Variants in TMEM17 observed in about 807,000 individuals in gnomAD.
The protein encoded by TMEM17 is transmembrane protein 17.
Under a neutral mutation model 19.1 loss-of-function variants are expected in TMEM17, and 15 were observed. That is an observed-to-expected ratio of 0.78 (90% CI 0.52 to 1.21). The LOEUF (loss-of-function observed/expected upper bound fraction) is 1.21. Ranked by LOEUF, TMEM17 falls within the 50% of genes most tolerant of loss-of-function variation. The pLI is 0.00. For synonymous variants in TMEM17, 103 were observed against 86.9 expected (o/e 1.19, Z -1.03); for missense variants, 245 against 242.3 (o/e 1.01, Z -0.07).
chr2:62,505,153 T>A (rs1416081859), intron 1 of TMEM17, among the ~76,000 whole-genome samples: 1 of 152,166 alleles, frequency 6.6e-6, no homozygotes, highest in Non-Finnish European at 1.5e-5. Flanking sequence ...CTTTTAAAAA[T>A]TCTCTAAAAC....
chr2:62,506,049 T>G lies in TMEM17; in HGVS notation c.81A>C (p.Pro27=), dbSNP rs770488178. 7 of 1,610,956 alleles carry G rather than the reference T, an allele frequency of 4.3e-6. No homozygotes were observed. In the East Asian group the frequency reaches 1.3e-4, roughly 31 times the overall value. ...AVFSDSNRTG[P]ESNEGPENEM... ...ACTCACCCGGACCCTCATTGGACTC[T>G]GGACCGGTCCGATTGGAATCACTGA... Residue 27 remains proline (P), a synonymous_variant, in exon 1 of 4, where the codon CCA becomes CCC. Coordinates refer to ENST00000335390, the MANE Select transcript of TMEM17 (RefSeq NM_198276.3).
At chr2:62,482,500 G>A in the TMEM17 span, among the ~76,000 whole-genome samples, 1 of 152,194 alleles carries the variant, frequency 6.6e-6, no homozygotes, top group African/African-American at 2.4e-5. Context: ...CTCATCCAGT[G>A]CAGTTTAAAT....
At chr2:62,455,834 T>C in the TMEM17 span, among the ~76,000 whole-genome samples, 1 of 152,238 alleles carries the variant, frequency 6.6e-6, no homozygotes, top group African/African-American at 2.4e-5. Context: ...TCATCAGCAA[T>C]ATATGAAAAT....
chr2:62,503,563 A>G (rs11892686), intron 1 of TMEM17, among the ~76,000 whole-genome samples: 1 of 152,194 alleles, frequency 6.6e-6, no homozygotes, highest in Admixed American at 6.5e-5. Flanking sequence ...TTCATCTGTA[A>G]AATAGTGAAA....
the TMEM17 span, among the ~76,000 whole-genome samples, chr2:62,485,407 T>C: frequency 6.6e-6 from 1 of 152,262 alleles, no homozygotes; most frequent in Admixed American, 6.5e-5. Flanking sequence ...CTCTAGTCTT[T>C]GGAAATATTA....
rs779792256 is a variant in TMEM17, at chr2:62,506,155, C to T, written c.-26G>A. ...GCCTGGGCCTCAGTATCCCTCACCCCCTCAGACACGGGCTAGTCTGCGGGC... is the reference window on the plus strand; with the variant it reads ...GCCTGGGCCTCAGTATCCCTCACCCTCTCAGACACGGGCTAGTCTGCGGGC... On this transcript the variant is annotated 5_prime_UTR_variant, in exon 1 of 4. Transcript: ENST00000335390. The T allele has an allele frequency of 1.1e-5, 18 of 1,581,076 alleles. No individual in the cohort carries two copies. The highest frequency in any genetic ancestry group is 2.4e-5 in the East Asian group (1 of 42,378).
At chr2:62,471,315 G>A in the TMEM17 span, among the ~76,000 whole-genome samples, 1 of 152,150 alleles carries the variant, frequency 6.6e-6, no homozygotes, top group South Asian at 2.1e-4. Flanking sequence ...GTGACTCTGG[G>A]CAATGCTCTT....
the TMEM17 span, among the ~76,000 whole-genome samples, chr2:62,476,612 T>C: frequency 6.6e-6 from 1 of 152,196 alleles, no homozygotes; most frequent in Non-Finnish European, 1.5e-5. Flanking sequence ...GGACTATCTG[T>C]ATGTATTTAA....
rs766725052 is a variant in TMEM17 at position 62,502,797 on chromosome 2, AC to A, written c.101-4del. 6.4e-7 allele frequency: 1 copy of A among 1,562,912 alleles called. No individual in the cohort carries two copies. The highest frequency in any genetic ancestry group is 2.2e-5 in the East Asian group (1 of 44,472). ...CAAACTGGAGACCATTTCATTTTCT[AC>A]AGAAGGAACAGAAAAGGAACAAATG... On this transcript the variant is annotated splice_polypyrimidine_tract_variant and splice_region_variant and intron_variant, in intron 1 of 3. Transcript: ENST00000335390.
At chr2:62,482,299 C>T in the TMEM17 span, among the ~76,000 whole-genome samples, 1 of 152,172 alleles carries the variant, frequency 6.6e-6, no homozygotes, top group East Asian at 1.9e-4. Context: ...AATTATTGTT[C>T]TGCAAAATAT....
chr2:62,491,074 G>A, the TMEM17 span: 21 of 54,814 alleles, frequency 3.8e-4, no homozygotes, highest in East Asian at 0.011. Flanking sequence ...GCCAGACTCC[G>A]TCTCAAAAAA....
downstream of TMEM17, among the ~76,000 whole-genome samples, chr2:62,499,093 C>T (rs1191922793): frequency 6.6e-6 from 1 of 152,076 alleles, no homozygotes. Context: ...TCTTTTTTCC[C>T]CCACTGTTAC....
At chr2:62,485,964 C>CT in the TMEM17 span, among the ~76,000 whole-genome samples, 4 of 152,034 alleles carry the variant, frequency 2.6e-5, no homozygotes, top group South Asian at 2.1e-4. Context: ...AAAAACTGTG[C>CT]TTTTTTTTCC....
At chr2:62,484,404 A>G in the TMEM17 span, among the ~76,000 whole-genome samples, 1 of 152,098 alleles carries the variant, frequency 6.6e-6, no homozygotes, top group African/African-American at 2.4e-5. Context: ...TTCCTGCTGG[A>G]CCTACTGTCT....
intron 1 of TMEM17, among the ~76,000 whole-genome samples, chr2:62,503,771 C>T (rs1260351327): frequency 6.6e-6 from 1 of 152,226 alleles, no homozygotes; most frequent in East Asian, 1.9e-4. Flanking sequence ...AATCTAGCAT[C>T]TTGCTTTCCA....
the TMEM17 span, among the ~76,000 whole-genome samples, chr2:62,477,423 T>C: frequency 6.6e-6 from 1 of 151,446 alleles, no homozygotes; most frequent in Non-Finnish European, 1.5e-5. Flanking sequence ...TCTCTCAGGG[T>C]TGTCTATCTG....
At chr2:62,484,191 C>T in the TMEM17 span, among the ~76,000 whole-genome samples, 2 of 152,226 alleles carry the variant, frequency 1.3e-5, no homozygotes, top group Non-Finnish European at 2.9e-5. Flanking sequence ...GGCCCTCTTT[C>T]TCTAGAGCAG....
chr2:62,479,378 C>T, the TMEM17 span, among the ~76,000 whole-genome samples: 1 of 152,224 alleles, frequency 6.6e-6, no homozygotes, highest in African/African-American at 2.4e-5. Flanking sequence ...CCAGTTCCAT[C>T]CATGTTGCTG....
chr2:62,506,040 A>G lies in TMEM17; in HGVS notation c.90T>C (p.Asn30=). The part of the protein sequence containing the change: ...SDSNRTGPES[N]EGPENEMVSS... ...GCCTCGGTCACTCACCCGGACCCTC[A>G]TTGGACTCTGGACCGGTCCGATTGG... The change falls in exon 1 of 4, where the codon AAT becomes AAC. Residue 30 remains asparagine (N), a synonymous_variant. Transcript: ENST00000335390. 6.2e-7 allele frequency: 1 copy of G among 1,610,462 alleles called. No individual in the cohort carries two copies. The highest frequency in any genetic ancestry group is 8.5e-7 in the Non-Finnish European group (1 of 1,178,534).
Sources: allele counts gnomAD v4.1 joint callset (sites outside exome capture counted in the v4.1 genomes callset), GRCh38; gene constraint gnomAD v4.1.1; transcripts MANE v1.5; gene names NCBI Gene and HGNC (gene_info 2026-07-23, HGNC 2026-07-21).